The following ZNF596 variants were observed in gnomAD, a reference collection of about 807,000 sequenced individuals.
ZNF596 encodes the protein zinc finger protein 596.
Under a neutral mutation model 48.3 loss-of-function variants are expected in ZNF596, and 45 were observed. The observed-to-expected ratio is 0.93, with a 90% CI of 0.73 to 1.19. ZNF596 has a LOEUF of 1.19. Ranked by LOEUF, ZNF596 falls within the 50% of genes most tolerant of loss-of-function variation. ZNF596 has a pLI of 0.00. For missense variants in ZNF596, 848 were observed against 599.7 expected, an observed-to-expected ratio of 1.41 and a Z score of -4.32; for synonymous variants, 270 against 202.0, an observed-to-expected ratio of 1.34 and a Z score of -2.85.
chr8:239,225 G>A (rs1466902699), intron 1 of ZNF596, among the ~76,000 whole-genome samples: 1 of 152,212 alleles, frequency 6.6e-6, no homozygotes, highest in Non-Finnish European at 1.5e-5. Context: ...GTCTTACTCT[G>A]TCACCCAGGC....
rs773129796 is a variant in ZNF596 at position 245,585 on chromosome 8, T to C, written c.738T>C (p.Thr246=). The C allele has an allele frequency of 6.2e-7, 1 of 1,613,800 alleles. No homozygotes were observed. Among genetic ancestry groups the C allele is most frequent in the Admixed American group, 1.7e-5 (1 of 60,002 alleles). Residue 246 remains threonine, a synonymous_variant, in exon 6 of 6, where the codon ACT becomes ACC. Transcript: ENST00000398612. ...SDLRKHERTH[T]GEKPYGCHLC... Reference sequence around the variant, plus strand: ...TTCGAAAACATGAGAGAACTCACACTGGAGAGAAGCCATATGGATGTCATC... The same window carrying C: ...TTCGAAAACATGAGAGAACTCACACCGGAGAGAAGCCATATGGATGTCATC...
rs1260896330 is a variant in ZNF596, at chr8:240,849, T to C, written c.-47T>C. On this transcript the variant is annotated 5_prime_UTR_variant, in exon 2 of 6. Coordinates refer to ENST00000398612, the MANE Select transcript of ZNF596 (RefSeq NM_001042416.3). ...ATTTGTCTTCTTAGTGCTTGGATGG[T>C]GTGAGTGAAAACCCAGAGGAATACA... is the stretch of plus-strand genomic sequence containing the variant. 3.7e-6 allele frequency: 6 copies of C among 1,612,638 alleles called. No individual in the cohort carries two copies. Among genetic ancestry groups the C allele is most frequent in the Non-Finnish European group, 5.1e-6 (6 of 1,178,800 alleles).
chr8:241,342 G>C (rs530871877), intron 2 of ZNF596, among the ~76,000 whole-genome samples: 60 of 152,286 alleles, frequency 3.9e-4, no homozygotes, highest in African/African-American at 1.4e-3. Context: ...AGTGTTTCAG[G>C]TGTTAGGGGA....
intron 1 of ZNF596, among the ~76,000 whole-genome samples, chr8:239,380 G>A (rs989325904): frequency 6.6e-6 from 1 of 152,072 alleles, no homozygotes; most frequent in Non-Finnish European, 1.5e-5. Flanking sequence ...GTAGAAACGG[G>A]GTTTTGGGGT....
chr8:246,447 G>C lies in ZNF596; in HGVS notation c.*85G>C. 4 of 1,480,360 alleles carry C rather than the reference G, an allele frequency of 2.7e-6. No individual in the cohort carries two copies. Among genetic ancestry groups the C allele is most frequent in the Non-Finnish European group, 2.7e-6 (3 of 1,113,920 alleles). The allele number at this position is 1,480,360 out of a possible 1,614,324, so 91.7% of individuals were successfully genotyped here. On this transcript the variant is annotated 3_prime_UTR_variant, in exon 6 of 6. Coordinates refer to ENST00000398612, the MANE Select transcript of ZNF596 (RefSeq NM_001042416.3). ...TTATGTCTGTAATCAGTGTGGAAAA[G>C]CCTTTATTTATATTTACCACTTTGC...
chr8:237,146 A>G (rs924090041), intron 1 of ZNF596: 1 of 152,108 alleles, frequency 6.6e-6, no homozygotes, highest in Non-Finnish European at 1.5e-5. Flanking sequence ...AATTATTCCC[A>G]TTTCTTAGAT....
intron 1 of ZNF596, among the ~76,000 whole-genome samples, chr8:238,417 G>C (rs201087799): frequency 2.4e-4 from 36 of 152,180 alleles, no homozygotes; most frequent in East Asian, 3.9e-4. Context: ...ACAGCTCTGT[G>C]AGACTGGGAG....
intron 1 of ZNF596, among the ~76,000 whole-genome samples, chr8:239,793 T>C (rs577444044): frequency 3.3e-5 from 5 of 152,148 alleles, no homozygotes; most frequent in African/African-American, 7.2e-5. Context: ...ATAATTGTTA[T>C]TAACTCGATC....
At position 246,175 on chromosome 8, in the gene ZNF596, G is replaced by T; in HGVS notation, c.1328G>T (p.Gly443Val). The T allele has an allele frequency of 6.2e-7, 1 of 1,614,100 alleles. No individual in the cohort carries two copies. Among genetic ancestry groups the T allele is most frequent in the Non-Finnish European group, 8.5e-7 (1 of 1,180,012 alleles). Reference protein sequence around the residue: ...VLRRHERTHTGEKPYECNICG... With the variant: ...VLRRHERTHTVEKPYECNICG... ...AGACGACATGAGAGAACTCACACTG[G>T]AGAGAAACCATATGAATGCAATATA... Residue 443 changes from glycine to valine, a missense_variant, in exon 6 of 6, where the codon GGA becomes GTA. Transcript: ENST00000398612.
At chr8:240,658 A>C (rs1180432413) in intron 1 of ZNF596, 166 bp from the exon 2 acceptor site, 2 of 546,262 alleles carry the variant, frequency 3.7e-6, no homozygotes, top group Non-Finnish European at 6.5e-6. Flanking sequence ...ATTAGCAGCA[A>C]TAGTCATTTC....
At chr8:242,851 A>G (rs777910705) in intron 2 of ZNF596, 36 bp from the exon 3 acceptor site, 2 of 1,448,150 alleles carry the variant, frequency 1.4e-6, no homozygotes, top group East Asian at 4.8e-5. Flanking sequence ...TGGCAGAGAT[A>G]GCCCTGTTTG....
rs759440524 is a variant in ZNF596, at chr8:243,788, G to T, written c.206G>T (p.Arg69Ile). 3 of 1,613,464 alleles carry T rather than the reference G, an allele frequency of 1.9e-6. No homozygotes were observed. In the East Asian group the frequency reaches 6.7e-5, roughly 36 times the overall value. The stretch of plus-strand genomic sequence containing the variant: ...CAAGTAGAGAAACTTTCAACACAAA[G>T]AATAAGCTTACTGCAAGGTGAGCTC... ...LEQVEKLSTQ[R>I]ISLLQGREVG... Residue 69 changes from arginine (R) to isoleucine (I), a missense_variant, in exon 4 of 6, where the codon AGA (arginine) becomes ATA (isoleucine). Physicochemically the swap from Arg to Ile is moderately conservative, Grantham distance 97 (BLOSUM62 -3). Coordinates refer to ENST00000398612, the MANE Select transcript of ZNF596 (RefSeq NM_001042416.3).
chr8:234,970 A>G (rs1796563339), intron 1 of ZNF596: 1 of 152,216 alleles, frequency 6.6e-6, no homozygotes, highest in South Asian at 2.1e-4. Flanking sequence ...ATCCTGGAAA[A>G]GAAGATTGAT....
chr8:233,238 T>G (rs1390642288), intron 1 of ZNF596: 3 of 412,308 alleles, frequency 7.3e-6, no homozygotes, highest in African/African-American at 6.3e-5. Context: ...TCAGCAGAGA[T>G]ATGGAGGACA....
At chr8:233,156 C>G (rs1584896688) in intron 1 of ZNF596, 4 of 466,752 alleles carry the variant, frequency 8.6e-6, no homozygotes, top group African/African-American at 2.1e-5. Flanking sequence ...GGAATTTGAA[C>G]AAACACCGAC....
chr8:241,699 C>T (rs1364325022), intron 2 of ZNF596, among the ~76,000 whole-genome samples: 2 of 152,014 alleles, frequency 1.3e-5, no homozygotes, highest in Admixed American at 6.6e-5. Flanking sequence ...CTAGAGACAA[C>T]ATGAAGAAAC....
chr8:246,626 A>G lies in ZNF596; in HGVS notation c.*264A>G. Reference sequence around the variant, plus strand: ...GTCTTCATCCACAGCTCTGTTAAATAAATGGGAGAAATCACATCACGAAAA... The same window carrying G: ...GTCTTCATCCACAGCTCTGTTAAATGAATGGGAGAAATCACATCACGAAAA... On this transcript the variant is annotated 3_prime_UTR_variant, in exon 6 of 6. Coordinates refer to ENST00000398612, the MANE Select transcript of ZNF596 (RefSeq NM_001042416.3). 1 of 333,430 alleles carries G rather than the reference A, an allele frequency of 3.0e-6. No individual in the cohort carries two copies. The highest frequency in any genetic ancestry group is 5.4e-6 in the Non-Finnish European group (1 of 185,360). The allele number at this position is 333,430 out of a possible 1,614,324, so 20.7% of individuals were successfully genotyped here.
At chr8:235,075 T>A (rs1439252073) in intron 1 of ZNF596, among the ~76,000 whole-genome samples, 1 of 152,118 alleles carries the variant, frequency 6.6e-6, no homozygotes, top group Non-Finnish European at 1.5e-5. Context: ...ATGATTTGAA[T>A]TAAAAAGAAA....
chr8:233,002 G>T (rs28488353), intron 1 of ZNF596: 3 of 468,280 alleles, frequency 6.4e-6, no homozygotes, highest in Non-Finnish European at 1.3e-5. Context: ...TGAGAAGCGG[G>T]CTCTTCCTTG....
Sources: gnomAD v4.1 joint callset for allele counts (sites outside exome capture counted in the v4.1 genomes callset) on GRCh38, gnomAD v4.1.1 for gene constraint, MANE v1.5 for transcripts, NCBI Gene and HGNC (gene_info 2026-07-23, HGNC 2026-07-21) for gene names.